SYNE1: variants seen among roughly 807,000 people sequenced by gnomAD.
SYNE1 encodes spectrin repeat containing nuclear envelope protein 1.
Under a neutral mutation model 1,111.0 loss-of-function variants are expected in SYNE1, and 616 were observed. The observed-to-expected ratio is 0.55, with a 90% CI of 0.52 to 0.59. The LOEUF (loss-of-function observed/expected upper bound fraction) is 0.59. SYNE1 is among the 20% of genes least tolerant of loss of function. SYNE1 has a pLI of 0.00. For missense variants in SYNE1, 10,006 were observed against 10,417.0 expected, an observed-to-expected ratio of 0.96 and a Z score of 1.72; for synonymous variants, 3,855 against 3,825.8, an observed-to-expected ratio of 1.01 and a Z score of -0.28.
rs775604367 is a variant in SYNE1, at chr6:152,396,685, G to A, written c.7556+90C>T. 2.9e-4 allele frequency: 348 copies of A among 1,206,630 alleles called. 2 individuals carry two copies. The highest frequency in any genetic ancestry group is 2.7e-3 in the South Asian group (222 of 81,836). 74.7% of individuals were successfully genotyped at this position (1,206,630 alleles called of 1,614,324 possible). ...ATAATTTAAACTCACAGTGTCAAAC[G>A]TTATTTATTTATTCACATGACTCTT... is the stretch of plus-strand genomic sequence containing the variant. On this transcript the variant is annotated intron_variant, in intron 50 of 145. Coordinates refer to ENST00000367255, the MANE Select transcript of SYNE1 (RefSeq NM_182961.4).
At position 152,232,218 on chromosome 6, in the gene SYNE1, C is replaced by A; in HGVS notation, c.20760G>T (p.Met6920Ile). The change falls in exon 113 of 146, where the codon ATG (methionine) becomes ATT (isoleucine). Residue 6920 changes from methionine (M) to isoleucine (I), a missense_variant. Around this residue, in one of 7 missense-constraint regions of SYNE1, gnomAD observed 2,182 missense variants for 2,287.8 expected, o/e 0.95. Coordinates refer to ENST00000367255, the MANE Select transcript of SYNE1 (RefSeq NM_182961.4). ...LPSRHAISEV[M>I]SWISLMENVI... ...CATTTTCCATTAGAGAAATCCAACT[C>A]ATGACTTCAGAAATGGCATGGCGGG... 6.2e-7 allele frequency: 1 copy of A among 1,614,014 alleles called. No homozygotes were observed. The highest frequency in any genetic ancestry group is 1.1e-5 in the South Asian group (1 of 91,074).
chr6:152,245,480 A>G (rs911827300), intron 105 of SYNE1, among the ~76,000 whole-genome samples: 1 of 152,166 alleles, frequency 6.6e-6, no homozygotes, highest in Non-Finnish European at 1.5e-5. Context: ...GCTGAAACAC[A>G]TGTGTCCAAT....
chr6:152,269,824 A>G (rs2093053615), intron 98 of SYNE1, among the ~76,000 whole-genome samples: 1 of 152,178 alleles, frequency 6.6e-6, no homozygotes, highest in South Asian at 2.1e-4. Context: ...TGAGAAGCAA[A>G]AAGTTCACTG....
At chr6:152,450,896 A>G (rs1053569109) in intron 26 of SYNE1, 63 bp from the exon 27 acceptor site, 9 of 1,602,794 alleles carry the variant, frequency 5.6e-6, no homozygotes, top group Non-Finnish European at 7.7e-6. Flanking sequence ...CTACATTTTC[A>G]CAGAAAAACC....
intron 3 of SYNE1, among the ~76,000 whole-genome samples, chr6:152,551,063 C>T (rs899408850): frequency 2.0e-5 from 3 of 152,162 alleles, no homozygotes; most frequent in Admixed American, 6.5e-5. Context: ...TCAAGCAGAA[C>T]TTTTGTGGAT....
intron 14 of SYNE1, among the ~76,000 whole-genome samples, chr6:152,476,390 G>T (rs1368617629): frequency 6.6e-6 from 1 of 152,112 alleles, no homozygotes; most frequent in Non-Finnish European, 1.5e-5. Flanking sequence ...TGTATCTAAT[G>T]CTGAAAATTG....
intron 3 of SYNE1, among the ~76,000 whole-genome samples, chr6:152,617,726 A>G (rs1347603681): frequency 6.6e-6 from 1 of 152,210 alleles, no homozygotes. Context: ...CAACACCTTA[A>G]TAGAAACATG....
intron 44 of SYNE1, among the ~76,000 whole-genome samples, chr6:152,407,754 A>T (rs1198480693): frequency 6.8e-6 from 1 of 146,962 alleles, no homozygotes; most frequent in Non-Finnish European, 1.5e-5. Flanking sequence ...AAAAAATAAA[A>T]GAATGTTCTT....
intron 4 of SYNE1, among the ~76,000 whole-genome samples, chr6:152,527,023 G>A (rs933546920): frequency 8.5e-5 from 13 of 152,298 alleles, no homozygotes; most frequent in African/African-American, 3.1e-4. Flanking sequence ...TAGAGGGGAG[G>A]TGTTCACTGA....
At chr6:152,518,125 T>C (rs2099121473) in intron 6 of SYNE1, among the ~76,000 whole-genome samples, 1 of 151,438 alleles carries the variant, frequency 6.6e-6, no homozygotes, top group Non-Finnish European at 1.5e-5. Context: ...TTTGACTGGA[T>C]ACTGTAATGC....
chr6:152,332,920 G>A (rs1246853341), intron 77 of SYNE1, among the ~76,000 whole-genome samples: 2 of 152,160 alleles, frequency 1.3e-5, no homozygotes, highest in Non-Finnish European at 2.9e-5. Context: ...AGTCTCAGGT[G>A]TCTGTGGGGC....
At chr6:152,152,246 T>C (rs928251921) in intron 133 of SYNE1, 105 bp from the exon 134 acceptor site, 2 of 994,222 alleles carry the variant, frequency 2.0e-6, no homozygotes, top group African/African-American at 1.6e-5. Flanking sequence ...GAAGTTACAC[T>C]ATCACAGAGG....
chr6:152,353,595 T>C lies in SYNE1; in HGVS notation c.11076A>G (p.Gln3692=), dbSNP rs756169953. The change falls in exon 68 of 146, where the codon CAA becomes CAG. Residue 3692 remains glutamine, a synonymous_variant. Transcript: ENST00000367255. ...LTSRYQALLL[Q]VLEQIKFLEE... is the part of the protein sequence containing the mutation. ...CACCTGGTGACCCACTCACCAGCAC[T>C]TGGAGAAGCAGGGCCTGGTATCTGG... The C allele has an allele frequency of 6.2e-7, 1 of 1,614,220 alleles. No individual in the cohort carries two copies. Among genetic ancestry groups the C allele is most frequent in the South Asian group, 1.1e-5 (1 of 91,082 alleles).
intron 52 of SYNE1, among the ~76,000 whole-genome samples, chr6:152,390,911 T>C (rs2097606024): frequency 6.6e-6 from 1 of 152,138 alleles, no homozygotes; most frequent in Admixed American, 6.5e-5. Context: ...ACGGACTGTA[T>C]TGAAAGTAAC....
intron 3 of SYNE1, among the ~76,000 whole-genome samples, chr6:152,542,324 T>C (rs1303118618): frequency 6.6e-6 from 1 of 152,306 alleles, no homozygotes; most frequent in Middle Eastern, 3.4e-3. Flanking sequence ...AATCTATCTA[T>C]AAAATTGACA....
At chr6:152,151,064 A>G (rs1408292099) in intron 135 of SYNE1, among the ~76,000 whole-genome samples, 2 of 152,076 alleles carry the variant, frequency 1.3e-5, no homozygotes, top group African/African-American at 2.4e-5. Context: ...AAATACAAAA[A>G]TACAAAAATT....
intron 117 of SYNE1, among the ~76,000 whole-genome samples, 163 bp downstream of exon 117, chr6:152,224,331 C>T (rs2080955124): frequency 6.6e-6 from 1 of 152,062 alleles, no homozygotes; most frequent in African/African-American, 2.4e-5. Context: ...GGCAAGTTTG[C>T]TCAAGTAACA....
chr6:152,548,604 G>C (rs139414692), intron 3 of SYNE1, among the ~76,000 whole-genome samples: 36 of 152,292 alleles, frequency 2.4e-4, no homozygotes, highest in Admixed American at 1.9e-3. Context: ...AGATGCAAAC[G>C]ATGCAACACA....
intron 75 of SYNE1, 118 bp from the exon 76 acceptor site, chr6:152,337,135 G>T: frequency 1.1e-6 from 1 of 908,234 alleles, no homozygotes; most frequent in South Asian, 1.5e-5. Context: ...ACATACACAC[G>T]CAAACTCACA....
Sources: allele counts gnomAD v4.1 joint callset (sites outside exome capture counted in the v4.1 genomes callset), GRCh38; gene constraint gnomAD v4.1.1; regional missense constraint gnomAD v4.1.1; transcripts MANE v1.5; gene names NCBI Gene and HGNC (gene_info 2026-07-23, HGNC 2026-07-21).